TMEM163: variants seen among roughly 807,000 people sequenced by gnomAD.
The protein encoded by TMEM163 is transmembrane protein 163.
TMEM163 carries 17 observed loss-of-function variants against 29.3 expected under a neutral mutation model. The observed-to-expected ratio is 0.58, with a 90% confidence interval of 0.40 to 0.87. The LOEUF (loss-of-function observed/expected upper bound fraction) is 0.87. Among genes scored for constraint, TMEM163 ranks in the 40% least tolerant of loss-of-function variants. The pLI is 0.00. For missense variants in TMEM163, 303 were observed against 381.5 expected, an observed-to-expected ratio of 0.79 and a Z score of 1.71; for synonymous variants, 157 against 160.6, an observed-to-expected ratio of 0.98 and a Z score of 0.17.
rs189159826 is a variant in TMEM163 at position 134,630,925 on chromosome 2, C to T, written c.323-78834G>A. 2.7e-4 allele frequency among the ~76,000 whole-genome samples: 41 copies of T among 152,146 alleles called. 1 individual carries two copies. Among genetic ancestry groups the T allele is most frequent in the Middle Eastern group, 3.4e-3 (1 of 294 alleles). ...TAAACAAAAAACCACCACAAACACA[C>T]ACACAATACTGAGCTAAGACAGGCT... is the stretch of plus-strand genomic sequence containing the variant. On this transcript the variant is annotated intron_variant, in intron 2 of 7. Coordinates refer to ENST00000281924, the MANE Select transcript of TMEM163 (RefSeq NM_030923.5).
rs547819848 is a variant in TMEM163 at position 134,594,666 on chromosome 2, TG to T, written c.323-42576del. Among the ~76,000 whole-genome samples, 11 of 152,362 alleles carry T rather than the reference TG, an allele frequency of 7.2e-5. No homozygotes were observed. In the East Asian group the frequency reaches 2.1e-3, roughly 29 times the overall value. On this transcript the variant is annotated intron_variant, in intron 2 of 7. Transcript: ENST00000281924. ...TGGCAGAAAGCCTGCTTGCTGAGTTTGTTCATTTAGGTCCATTTCGATCTAC... is the reference window on the plus strand; with the variant it reads ...TGGCAGAAAGCCTGCTTGCTGAGTTTTTCATTTAGGTCCATTTCGATCTAC...
chr2:134,630,298 G>A (rs1288272984), intron 2 of TMEM163, among the ~76,000 whole-genome samples: 1 of 151,346 alleles, frequency 6.6e-6, no homozygotes, highest in African/African-American at 2.4e-5. Flanking sequence ...GAAATGGAAG[G>A]GATCATTGGT....
chr2:134,713,473 C>T (rs2104901358), intron 1 of TMEM163, 154 bp from the exon 2 acceptor site: 1 of 1,124,100 alleles, frequency 8.9e-7, no homozygotes, highest in Non-Finnish European at 1.3e-6. Flanking sequence ...AATTAGATTT[C>T]ACATGAAAAT....
At chr2:134,509,360 CT>C (rs2106490048) in intron 4 of TMEM163, among the ~76,000 whole-genome samples, 1 of 152,358 alleles carries the variant, frequency 6.6e-6, no homozygotes, top group East Asian at 1.9e-4. Flanking sequence ...GCCCAAGCCA[CT>C]CCTCAAGATG....
chr2:134,525,504 A>G (rs759934343), intron 4 of TMEM163, among the ~76,000 whole-genome samples: 3 of 152,256 alleles, frequency 2.0e-5, no homozygotes, highest in Non-Finnish European at 4.4e-5. Context: ...TACAAAATCA[A>G]TCGCTGGGGA....
chr2:134,613,568 T>C (rs1171938446), intron 2 of TMEM163, among the ~76,000 whole-genome samples: 1 of 152,158 alleles, frequency 6.6e-6, no homozygotes, highest in Non-Finnish European at 1.5e-5. Flanking sequence ...GGATTTATCA[T>C]TATAATGGAA....
intron 2 of TMEM163, among the ~76,000 whole-genome samples, chr2:134,593,376 C>T (rs968617980): frequency 3.9e-5 from 6 of 152,014 alleles, no homozygotes; most frequent in Non-Finnish European, 8.8e-5. Flanking sequence ...AACACCACAC[C>T]ATACCCTGAG....
chr2:134,500,840 G>C (rs928854992), intron 5 of TMEM163, among the ~76,000 whole-genome samples: 1 of 151,976 alleles, frequency 6.6e-6, no homozygotes, highest in Non-Finnish European at 1.5e-5. Flanking sequence ...GGGGAAGGGA[G>C]GGACTTGTTA....
chr2:134,561,348 C>CA (rs1681177212), intron 2 of TMEM163, among the ~76,000 whole-genome samples: 1 of 151,946 alleles, frequency 6.6e-6, no homozygotes, highest in African/African-American at 2.4e-5. Flanking sequence ...GGACTACAGG[C>CA]ACCCACCACC....
intron 2 of TMEM163, among the ~76,000 whole-genome samples, chr2:134,556,827 T>A (rs531410013): frequency 2.0e-4 from 31 of 152,262 alleles, no homozygotes; most frequent in African/African-American, 6.7e-4. Context: ...TCTCAAAATA[T>A]TTTTTAGAAA....
intron 5 of TMEM163, among the ~76,000 whole-genome samples, chr2:134,482,675 C>A (rs1480269557): frequency 6.6e-6 from 1 of 152,198 alleles, no homozygotes; most frequent in Non-Finnish European, 1.5e-5. Context: ...ATGAGAAAAG[C>A]TGGCAGATGT....
intron 2 of TMEM163, among the ~76,000 whole-genome samples, chr2:134,619,988 C>T (rs186899587): frequency 8.7e-4 from 133 of 152,142 alleles, no homozygotes; most frequent in Non-Finnish European, 1.5e-3. Flanking sequence ...GTGTAAGACT[C>T]GTACACTAGA....
chr2:134,501,862 A>T (rs1679703558), intron 5 of TMEM163, among the ~76,000 whole-genome samples: 1 of 152,216 alleles, frequency 6.6e-6, no homozygotes, highest in African/African-American at 2.4e-5. Context: ...CTGAGATGTT[A>T]GAGAGTAAGC....
intron 5 of TMEM163, among the ~76,000 whole-genome samples, chr2:134,480,058 A>C (rs749239346): frequency 6.6e-6 from 1 of 152,184 alleles, no homozygotes; most frequent in Non-Finnish European, 1.5e-5. Flanking sequence ...CCCCATACGC[A>C]GTCTTGCAAA....
Position 134,591,077 on chromosome 2 carries a change from G to T in TMEM163, c.323-38986C>A, listed in dbSNP as rs190435610. ...CCTACATGTACATTAGAAGGATGGG[G>T]TAGAGCTACCAGAAATCTGTGCCTT... On this transcript the variant is annotated intron_variant, in intron 2 of 7. Coordinates refer to ENST00000281924, the MANE Select transcript of TMEM163 (RefSeq NM_030923.5). Among the ~76,000 whole-genome samples, 291 of 152,312 alleles carry T rather than the reference G, an allele frequency of 1.9e-3. 2 individuals carry two copies. Among genetic ancestry groups the T allele is most frequent in the African/African-American group, 6.2e-3 (259 of 41,564 alleles).
chr2:134,687,412 A>G (rs1684372551), intron 2 of TMEM163, among the ~76,000 whole-genome samples: 1 of 152,244 alleles, frequency 6.6e-6, no homozygotes, highest in African/African-American at 2.4e-5. Context: ...TCATGAGCAC[A>G]TATTATGCTG....
At chr2:134,625,949 C>T (rs1276626804) in intron 2 of TMEM163, among the ~76,000 whole-genome samples, 1 of 152,102 alleles carries the variant, frequency 6.6e-6, no homozygotes, top group Non-Finnish European at 1.5e-5. Context: ...TAACAAATGA[C>T]CACAAATTTT....
chr2:134,458,051 T>A lies in TMEM163; in HGVS notation c.790A>T (p.Ile264Leu). 1.9e-6 allele frequency: 3 copies of A among 1,614,106 alleles called. No homozygotes were observed. The highest frequency in any genetic ancestry group is 2.5e-6 in the Non-Finnish European group (3 of 1,180,022). The change falls in exon 7 of 8, where the codon ATA becomes TTA. Residue 264 changes from isoleucine to leucine, a missense_variant. Around this residue, in one of 2 missense-constraint regions of TMEM163, gnomAD observed 203 missense variants for 294.3 expected, o/e 0.69. Coordinates refer to ENST00000281924, the MANE Select transcript of TMEM163 (RefSeq NM_030923.5). ...ACCTACTTGACCCCATAGGCAAATATGGTGAGGCCGATCAGAACGCCTATG... is the reference window on the plus strand; with the variant it reads ...ACCTACTTGACCCCATAGGCAAATAAGGTGAGGCCGATCAGAACGCCTATG... ...GSIGVLIGLTIFAYGVKLLID... is the reference protein window; with the variant it reads ...GSIGVLIGLTLFAYGVKLLID...
At chr2:134,461,873 T>C (rs1357793117) in intron 6 of TMEM163, among the ~76,000 whole-genome samples, 1 of 152,170 alleles carries the variant, frequency 6.6e-6, no homozygotes, top group African/African-American at 2.4e-5. Context: ...GCTGGCAGCC[T>C]CAGGGAACCC....
Sources: allele counts gnomAD v4.1 joint callset (sites outside exome capture counted in the v4.1 genomes callset), GRCh38; gene constraint gnomAD v4.1.1; regional missense constraint gnomAD v4.1.1; transcripts MANE v1.5; gene names NCBI Gene and HGNC (gene_info 2026-07-23, HGNC 2026-07-21).